PARD6B: variants seen among roughly 807,000 people sequenced by gnomAD.
PARD6B encodes partitioning defective 6 homolog beta.
In PARD6B, 4 loss-of-function variants were observed where a neutral mutation model predicts 10.5. The ratio of observed to expected loss-of-function variants is 0.38; its 90% CI spans 0.19 to 0.87. The LOEUF is 0.87. PARD6B is among the 40% of genes least tolerant of loss of function. The pLI, the probability that PARD6B is intolerant of heterozygous loss-of-function variation, is 0.41. For synonymous variants in PARD6B, 169 were observed against 170.4 expected, an observed-to-expected ratio of 0.99 and a Z score of 0.07; for missense variants, 396 against 470.6, an observed-to-expected ratio of 0.84 and a Z score of 1.47.
At chr20:50,743,953 A>G (rs117964995) in intron 2 of PARD6B, among the ~76,000 whole-genome samples, 1 of 152,028 alleles carries the variant, frequency 6.6e-6, no homozygotes, top group East Asian at 1.9e-4. Context: ...TACTCACAAC[A>G]GAAACGTGGG....
intron 2 of PARD6B, among the ~76,000 whole-genome samples, chr20:50,744,556 A>C (rs2087554295): frequency 6.6e-6 from 1 of 152,100 alleles, no homozygotes; most frequent in Non-Finnish European, 1.5e-5. Context: ...CTTAGGCTAA[A>C]GTCTGTAAAC....
rs2087563802 is a variant in PARD6B at position 50,745,641 on chromosome 20, A to G, written c.290-4018A>G. Among the ~76,000 whole-genome samples the G allele has an allele frequency of 2.0e-5, 3 of 152,274 alleles. No homozygotes were observed. The South Asian group carries it at 6.2e-4, about 32-fold the overall frequency. Reference sequence around the variant, plus strand: ...CAGCCTCCCAAGTAGCTTGGACTACAGGCACAAACAAACCACCATGCCCAG... The same window carrying G: ...CAGCCTCCCAAGTAGCTTGGACTACGGGCACAAACAAACCACCATGCCCAG... On this transcript the variant is annotated intron_variant, in intron 2 of 2. Transcript: ENST00000371610.
chr20:50,737,179 C>T (rs1444044980), intron 1 of PARD6B, among the ~76,000 whole-genome samples: 1 of 152,174 alleles, frequency 6.6e-6, no homozygotes, highest in Non-Finnish European at 1.5e-5. Context: ...AGTAATTATT[C>T]TCTTTACCCA....
intron 1 of PARD6B, among the ~76,000 whole-genome samples, chr20:50,735,394 T>A (rs559039473): frequency 2.0e-5 from 3 of 152,328 alleles, no homozygotes; most frequent in African/African-American, 7.2e-5. Flanking sequence ...GGAACAGTCT[T>A]TGAGTCATAA....
At position 50,753,068 on chromosome 20, in the gene PARD6B, C is replaced by CTT. The variant is rs2087623068; in HGVS notation, c.*2580_*2581insTT. 1.1e-6 allele frequency: 1 copy of CTT among 935,062 alleles called. No individual in the cohort carries two copies. Among genetic ancestry groups the CTT allele is most frequent in the Non-Finnish European group, 1.3e-6 (1 of 786,252 alleles). The allele number at this position is 935,062 out of a possible 1,614,324, so 57.9% of individuals were successfully genotyped here. Reference sequence around the variant, plus strand: ...TAAGTAAAAATATTTTTACACACTACCTCTCTCTTTTTTTTTTTAAAGTTT... The same window carrying CTT: ...TAAGTAAAAATATTTTTACACACTACTTCTCTCTCTTTTTTTTTTTAAAGTTT... On this transcript the variant is annotated 3_prime_UTR_variant, in exon 3 of 3. Transcript: ENST00000371610.
chr20:50,746,527 G>A (rs2087568500), intron 2 of PARD6B, among the ~76,000 whole-genome samples: 1 of 152,224 alleles, frequency 6.6e-6, no homozygotes, highest in Admixed American at 6.5e-5. Flanking sequence ...TAGTGTTCAG[G>A]TAGAAAGTCA....
chr20:50,742,659 C>T (rs2087537430), intron 2 of PARD6B, among the ~76,000 whole-genome samples: 1 of 152,092 alleles, frequency 6.6e-6, no homozygotes, highest in Non-Finnish European at 1.5e-5. Flanking sequence ...AGCCACTGCG[C>T]CTGGCCCCCA....
Position 50,752,000 on chromosome 20 carries a change from C to G in PARD6B, c.*1512C>G. ...CAGGCATGAGCGCCTAGCCAGGAAG[C>G]TATCTTTTCTTGAGTTATGAAACTT... is the stretch of plus-strand genomic sequence containing the variant. On this transcript the variant is annotated 3_prime_UTR_variant, in exon 3 of 3. Transcript: ENST00000371610. The G allele has an allele frequency of 1.0e-6, 1 of 985,374 alleles. No homozygotes were observed. The highest frequency in any genetic ancestry group is 1.2e-6 in the Non-Finnish European group (1 of 829,916). The allele number at this position is 985,374 out of a possible 1,614,324, so 61.0% of individuals were successfully genotyped here. A position where few individuals can be genotyped will look rare whatever the true frequency, so the allele number is the denominator to read the frequency against.
chr20:50,746,014 A>G (rs2087565913), intron 2 of PARD6B, among the ~76,000 whole-genome samples: 1 of 151,836 alleles, frequency 6.6e-6, no homozygotes, highest in Non-Finnish European at 1.5e-5. Flanking sequence ...GCTGTACTAT[A>G]ATGGTTGCTG....
chr20:50,750,293 A>G lies in PARD6B; in HGVS notation c.924A>G (p.Pro308=). The stretch of plus-strand genomic sequence containing the variant: ...ACAATGGAGTGCCACAGCAGATTCC[A>G]AAAGCTGTTCCTAATACTGAGAGCC... ...IEDNGVPQQI[P]KAVPNTESLE... The change falls in exon 3 of 3, where the codon CCA becomes CCG. Residue 308 remains proline, a synonymous_variant. Transcript: ENST00000371610. The G allele has an allele frequency of 6.2e-7, 1 of 1,614,244 alleles. No individual in the cohort carries two copies. Among genetic ancestry groups the G allele is most frequent in the Non-Finnish European group, 8.5e-7 (1 of 1,180,054 alleles).
In PARD6B at chr20:50,752,986, A is replaced by G; in HGVS notation, c.*2498A>G. ...GACTCTTGAATGGCAAAATAATGTT[A>G]GTATGTAGAAGGTTAACTTTCATTT... On this transcript the variant is annotated 3_prime_UTR_variant, in exon 3 of 3. Coordinates refer to ENST00000371610, the MANE Select transcript of PARD6B (RefSeq NM_032521.3). 1.0e-6 allele frequency: 1 copy of G among 984,168 alleles called. No individual in the cohort carries two copies. Among genetic ancestry groups the G allele is most frequent in the Non-Finnish European group, 1.2e-6 (1 of 828,406 alleles). The allele number at this position is 984,168 out of a possible 1,614,324, so 61.0% of individuals were successfully genotyped here.
At position 50,751,593 on chromosome 20, in the gene PARD6B, G is replaced by A. The variant is rs1051527808; in HGVS notation, c.*1105G>A. On this transcript the variant is annotated 3_prime_UTR_variant, in exon 3 of 3. Transcript: ENST00000371610. ...AATCTCCTGACCTCCTGATCCGCCC[G>A]CCTCGGCCTCCCAAAGTGCTGGGAT... 25 of 971,010 alleles carry A rather than the reference G, an allele frequency of 2.6e-5. No individual in the cohort carries two copies. The highest frequency in any genetic ancestry group is 2.3e-4 in the East Asian group (2 of 8,702). The allele number at this position is 971,010 out of a possible 1,614,324, so 60.1% of individuals were successfully genotyped here. A position where few individuals can be genotyped will look rare whatever the true frequency, so the allele number is the denominator to read the frequency against.
chr20:50,752,585 T>G lies in PARD6B; in HGVS notation c.*2097T>G. On this transcript the variant is annotated 3_prime_UTR_variant, in exon 3 of 3. Transcript: ENST00000371610. ...GCTTGTATATAGAAACTAAAAATAC[T>G]ATGAAGTACATAAGTTCCCTATGGC... 1 of 983,642 alleles carries G rather than the reference T, an allele frequency of 1.0e-6. No individual in the cohort carries two copies. The highest frequency in any genetic ancestry group is 1.2e-6 in the Non-Finnish European group (1 of 827,952). The allele number at this position is 983,642 out of a possible 1,614,324, so 60.9% of individuals were successfully genotyped here.
intron 2 of PARD6B, among the ~76,000 whole-genome samples, chr20:50,742,421 A>C (rs190295089): frequency 7.3e-5 from 11 of 151,648 alleles, no homozygotes. Flanking sequence ...GCTAGAGTGC[A>C]GTGGTGTGAT....
At chr20:50,739,280 C>G (rs547325398) in intron 2 of PARD6B, among the ~76,000 whole-genome samples, 31 of 152,056 alleles carry the variant, frequency 2.0e-4, no homozygotes, top group African/African-American at 7.5e-4. Context: ...AACCCCATCT[C>G]TACTAAAAAT....
chr20:50,744,445 C>T (rs564447161), intron 2 of PARD6B, among the ~76,000 whole-genome samples: 2 of 152,294 alleles, frequency 1.3e-5, no homozygotes, highest in Admixed American at 6.5e-5. Flanking sequence ...TCCCCCTCCA[C>T]GTCCTTCTCC....
intron 2 of PARD6B, among the ~76,000 whole-genome samples, chr20:50,745,903 C>T (rs954347400): frequency 2.0e-5 from 3 of 152,116 alleles, no homozygotes; most frequent in Admixed American, 6.6e-5. Context: ...TGACAGAAAA[C>T]GGTTGTCAAC....
rs563175773 is a variant in PARD6B, at chr20:50,749,457, A to T, written c.290-202A>T. On this transcript the variant is annotated intron_variant, in intron 2 of 2. Transcript: ENST00000371610. ...AACATTGGTTTATTTTGTGATGTGT[A>T]TTTGAGATGGCCACCTAGTGGTTTT... 7.2e-5 allele frequency among the ~76,000 whole-genome samples: 11 copies of T among 152,192 alleles called. No individual in the cohort carries two copies. In the South Asian group the frequency reaches 2.3e-3, roughly 32 times the overall value.
chr20:50,743,255 C>G (rs538014658), intron 2 of PARD6B, among the ~76,000 whole-genome samples: 1 of 152,310 alleles, frequency 6.6e-6, no homozygotes, highest in South Asian at 2.1e-4. Flanking sequence ...CTCTCCAGAT[C>G]TAGTCAGAAT....
Sources: allele counts gnomAD v4.1 joint callset (sites outside exome capture counted in the v4.1 genomes callset), GRCh38; gene constraint gnomAD v4.1.1; transcripts MANE v1.5; gene names NCBI Gene and HGNC (gene_info 2026-07-23, HGNC 2026-07-21).